HYCC1: variants seen among roughly 807,000 people sequenced by gnomAD.
HYCC1 encodes the protein hyccin.
the HYCC1 span, chr7:22,961,288 G>C: frequency 6.2e-7 from 1 of 1,606,348 alleles, no homozygotes; most frequent in South Asian, 1.1e-5. Context: ...ATATCATCCA[G>C]TGCTTTTTGA....
At chr7:22,986,770 C>T in the HYCC1 span, among the ~76,000 whole-genome samples, 1 of 152,174 alleles carries the variant, frequency 6.6e-6, no homozygotes, top group Non-Finnish European at 1.5e-5. Context: ...ATCGCTTGAA[C>T]CCGGGAGGCA....
At chr7:22,897,114 G>C in the HYCC1 span, among the ~76,000 whole-genome samples, 3 of 152,220 alleles carry the variant, frequency 2.0e-5, no homozygotes, top group Non-Finnish European at 2.9e-5. Context: ...AATAAGGTAA[G>C]AGAGTGAGTC....
the HYCC1 span, among the ~76,000 whole-genome samples, chr7:22,950,586 A>T: frequency 6.6e-6 from 1 of 152,044 alleles, no homozygotes; most frequent in Non-Finnish European, 1.5e-5. Context: ...CATATAGCTT[A>T]TGCTAATAAG....
At chr7:22,987,309 A>G in the HYCC1 span, among the ~76,000 whole-genome samples, 1 of 152,096 alleles carries the variant, frequency 6.6e-6, no homozygotes, top group Non-Finnish European at 1.5e-5. Context: ...CACATTTGGG[A>G]GGCCAAGGCA....
the HYCC1 span, among the ~76,000 whole-genome samples, chr7:22,957,868 C>T: frequency 6.6e-6 from 1 of 151,834 alleles, no homozygotes; most frequent in Non-Finnish European, 1.5e-5. Flanking sequence ...TTGTGGCTCA[C>T]CCTGGGATCT....
the HYCC1 span, among the ~76,000 whole-genome samples, chr7:22,905,386 A>ATTTTTTTTTTTTTTTTTTTTTTT: frequency 2.7e-4 from 12 of 44,470 alleles, 1 homozygote; most frequent in African/African-American, 9.1e-4. Flanking sequence ...CTAATTTTGT[A>ATTTTTTTTTTTTTTTTTTTTTTT]TTTTTTTTTT....
chr7:22,907,681 G>A, the HYCC1 span, among the ~76,000 whole-genome samples: 4 of 152,110 alleles, frequency 2.6e-5, no homozygotes, highest in South Asian at 2.1e-4. Context: ...AGGCCGAGGC[G>A]GGTGGATCAC....
At chr7:22,977,819 T>C in the HYCC1 span, among the ~76,000 whole-genome samples, 1 of 152,198 alleles carries the variant, frequency 6.6e-6, no homozygotes, top group Non-Finnish European at 1.5e-5. Flanking sequence ...CGAATTAACA[T>C]ATAAACTCTA....
At chr7:22,935,377 T>G in the HYCC1 span, 1 of 152,168 alleles carries the variant, frequency 6.6e-6, no homozygotes. Flanking sequence ...ATTGGGATGG[T>G]TTGAATCCGT....
At chr7:22,902,519 A>G in the HYCC1 span, among the ~76,000 whole-genome samples, 1 of 152,108 alleles carries the variant, frequency 6.6e-6, no homozygotes, top group Non-Finnish European at 1.5e-5. Context: ...AATTTAAATA[A>G]TCTGAAACTG....
At chr7:22,901,001 C>T in the HYCC1 span, among the ~76,000 whole-genome samples, 2 of 151,972 alleles carry the variant, frequency 1.3e-5, no homozygotes, top group African/African-American at 4.8e-5. Flanking sequence ...AGGCAGATTC[C>T]TTGAGCCCAG....
chr7:22,962,246 C>T, the HYCC1 span, among the ~76,000 whole-genome samples: 1 of 152,086 alleles, frequency 6.6e-6, no homozygotes. Flanking sequence ...TCCTAGAAGC[C>T]AAATTGCTAA....
chr7:22,934,646 C>T, the HYCC1 span: 5 of 152,142 alleles, frequency 3.3e-5, no homozygotes, highest in African/African-American at 1.2e-4. Context: ...AAAAGTACTA[C>T]AAAGCAAATC....
the HYCC1 span, among the ~76,000 whole-genome samples, chr7:22,920,980 C>T: frequency 6.6e-6 from 1 of 152,146 alleles, no homozygotes. Flanking sequence ...CCATGTGAAG[C>T]ACTAGCTCCC....
chr7:22,950,056 GCTCT>G, the HYCC1 span, among the ~76,000 whole-genome samples: 1 of 151,956 alleles, frequency 6.6e-6, no homozygotes, highest in Non-Finnish European at 1.5e-5. Context: ...ACCTAATCTT[GCTCT>G]CTATCAGCTC....
chr7:22,996,454 G>T, the HYCC1 span, among the ~76,000 whole-genome samples: 795 of 151,890 alleles, frequency 5.2e-3, 9 homozygotes, highest in African/African-American at 0.018. Flanking sequence ...GTGCAGGTTT[G>T]TTACATGGGT....
the HYCC1 span, among the ~76,000 whole-genome samples, chr7:22,931,800 G>T: frequency 6.6e-6 from 1 of 152,172 alleles, no homozygotes; most frequent in Admixed American, 6.5e-5. Flanking sequence ...TGGCAGTAGA[G>T]CTGACTGAAT....
chr7:22,968,444 A>G, the HYCC1 span, among the ~76,000 whole-genome samples: 2 of 152,202 alleles, frequency 1.3e-5, no homozygotes, highest in Non-Finnish European at 2.9e-5. Context: ...AACATAAGCA[A>G]TCTACCTCTG....
At chr7:22,978,316 G>A in the HYCC1 span, 1 of 1,613,954 alleles carries the variant, frequency 6.2e-7, no homozygotes, top group Admixed American at 1.7e-5. Context: ...CCACTGCTAT[G>A]CACATTTCTG....
Sources: allele counts gnomAD v4.1 joint callset (sites outside exome capture counted in the v4.1 genomes callset), GRCh38; gene constraint gnomAD v4.1.1; transcripts MANE v1.5; gene names NCBI Gene and HGNC (gene_info 2026-07-23, HGNC 2026-07-21).